ZFPM2: variants seen among roughly 807,000 people sequenced by gnomAD.
ZFPM2 encodes the protein zinc finger protein, FOG family member 2, also known as zinc finger protein ZFPM2.
Under a neutral mutation model 98.6 loss-of-function variants are expected in ZFPM2, and 20 were observed. The observed-to-expected ratio is 0.20, with a 90% CI of 0.14 to 0.29. ZFPM2 has a LOEUF of 0.29. Ranked by LOEUF, ZFPM2 falls within the 10% of genes least tolerant of loss-of-function variation. The probability of loss-of-function intolerance (pLI) is 1.00; values close to 1 mark genes in which losing one functional copy is unlikely to be tolerated. For missense variants in ZFPM2, 1,310 were observed against 1,388.6 expected, an observed-to-expected ratio of 0.94 and a Z score of 0.90; for synonymous variants, 518 against 502.7, an observed-to-expected ratio of 1.03 and a Z score of -0.41.
intron 5 of ZFPM2, among the ~76,000 whole-genome samples, chr8:105,687,423 T>C (rs895948041): frequency 6.6e-6 from 1 of 152,192 alleles, no homozygotes; most frequent in African/African-American, 2.4e-5. Flanking sequence ...TGCCATATAT[T>C]TATTCAAAGA....
At chr8:105,694,434 T>C (rs1444917614) in intron 5 of ZFPM2, among the ~76,000 whole-genome samples, 2 of 152,182 alleles carry the variant, frequency 1.3e-5, no homozygotes, top group South Asian at 2.1e-4. Flanking sequence ...ATGTGGCTAA[T>C]TTTTCTTGAA....
intron 5 of ZFPM2, among the ~76,000 whole-genome samples, chr8:105,759,839 C>A (rs186229811): frequency 6.6e-6 from 1 of 151,868 alleles, no homozygotes; most frequent in Non-Finnish European, 1.5e-5. Context: ...ATGTTCCTGA[C>A]CATTGCCAGG....
chr8:105,788,962 G>A, intron 6 of ZFPM2, 38 bp downstream of exon 6: 1 of 1,509,052 alleles, frequency 6.6e-7, no homozygotes, highest in Non-Finnish European at 9.0e-7. Flanking sequence ...CTTTAGAGGT[G>A]ATGGGAATTT....
chr8:105,674,913 G>GGGT (rs996960576), intron 5 of ZFPM2, among the ~76,000 whole-genome samples: 5 of 152,070 alleles, frequency 3.3e-5, no homozygotes, highest in Admixed American at 6.6e-5. Flanking sequence ...CACCAGAAAG[G>GGGT]GGTGGAGTGC....
chr8:105,798,107 A>C (rs1813888094), intron 6 of ZFPM2: 1 of 152,230 alleles, frequency 6.6e-6, no homozygotes, highest in African/African-American at 2.4e-5. Flanking sequence ...CAATCAGATA[A>C]TTTACATCAC....
chr8:105,551,659 T>C (rs372741786), intron 3 of ZFPM2, among the ~76,000 whole-genome samples: 8 of 118,442 alleles, frequency 6.8e-5, no homozygotes, highest in African/African-American at 2.5e-4. Context: ...TCTGCCATCC[T>C]TTGGTTTTAT....
At chr8:105,777,049 A>T (rs1813120424) in intron 5 of ZFPM2, among the ~76,000 whole-genome samples, 1 of 152,196 alleles carries the variant, frequency 6.6e-6, no homozygotes, top group South Asian at 2.1e-4. Flanking sequence ...ATCAGAATAG[A>T]AACTGACCAC....
At chr8:105,620,265 C>T (rs1477708569) in intron 4 of ZFPM2, among the ~76,000 whole-genome samples, 3 of 152,118 alleles carry the variant, frequency 2.0e-5, no homozygotes, top group East Asian at 1.9e-4. Flanking sequence ...TTTTGATTTG[C>T]GTTTCTCTGA....
intron 5 of ZFPM2, among the ~76,000 whole-genome samples, chr8:105,709,101 C>T (rs540916391): frequency 6.6e-6 from 1 of 152,228 alleles, no homozygotes; most frequent in South Asian, 2.1e-4. Context: ...ACAAGATGGG[C>T]TCTCTGATGT....
chr8:105,459,616 G>T (rs1481108281), intron 3 of ZFPM2, among the ~76,000 whole-genome samples: 2 of 152,154 alleles, frequency 1.3e-5, no homozygotes, highest in African/African-American at 4.8e-5. Flanking sequence ...TTCTAGTGAG[G>T]CCTCTCTTCC....
At chr8:105,535,285 A>G (rs1373478989) in intron 3 of ZFPM2, among the ~76,000 whole-genome samples, 3 of 152,078 alleles carry the variant, frequency 2.0e-5, no homozygotes, top group African/African-American at 7.2e-5. Context: ...TGGGGTTTTT[A>G]TTGTTATTAA....
chr8:105,655,144 C>T (rs537106845), intron 5 of ZFPM2, among the ~76,000 whole-genome samples: 1 of 151,818 alleles, frequency 6.6e-6, no homozygotes, highest in African/African-American at 2.4e-5. Context: ...AATATTCAGA[C>T]CATGAGGAAA....
intron 5 of ZFPM2, among the ~76,000 whole-genome samples, chr8:105,783,636 A>G (rs1376183196): frequency 2.0e-5 from 3 of 152,170 alleles, no homozygotes; most frequent in African/African-American, 7.2e-5. Flanking sequence ...GTGGAATCAT[A>G]CACTGTTTGT....
intron 2 of ZFPM2, 60 bp from the exon 3 acceptor site, chr8:105,444,220 T>A (rs1251244125): frequency 7.6e-7 from 1 of 1,321,058 alleles, no homozygotes; most frequent in African/African-American, 1.5e-5. Flanking sequence ...TATGAGGGTG[T>A]GAATGTGAAA....
At chr8:105,779,950 G>A (rs573378391) in intron 5 of ZFPM2, among the ~76,000 whole-genome samples, 18 of 152,250 alleles carry the variant, frequency 1.2e-4, no homozygotes, top group African/African-American at 4.3e-4. Flanking sequence ...ACGTCACTGC[G>A]GTTTTGACAG....
chr8:105,776,977 A>G lies in ZFPM2; in HGVS notation c.533-11741A>G, dbSNP rs1813119421. ...GAAGTATGGCTGAGCATCTCTATCC[A>G]TTTATCTCCCTGCTTCCTCTTTCTG... On this transcript the variant is annotated intron_variant, in intron 5 of 7. Coordinates refer to ENST00000407775, the MANE Select transcript of ZFPM2 (RefSeq NM_012082.4). Among the ~76,000 whole-genome samples the G allele has an allele frequency of 3.9e-5, 6 of 152,206 alleles. No individual in the cohort carries two copies. The South Asian group carries it at 1.2e-3, about 31-fold the overall frequency.
intron 5 of ZFPM2, among the ~76,000 whole-genome samples, chr8:105,646,937 C>T (rs911567503): frequency 6.6e-6 from 1 of 152,170 alleles, no homozygotes; most frequent in Non-Finnish European, 1.5e-5. Context: ...GATTAAACCT[C>T]CATCTCCTAA....
At chr8:105,654,138 G>C (rs976979807) in intron 5 of ZFPM2, among the ~76,000 whole-genome samples, 1 of 151,584 alleles carries the variant, frequency 6.6e-6, no homozygotes, top group African/African-American at 2.4e-5. Flanking sequence ...GGGAAACACA[G>C]GCCCCTTGAC....
intron 1 of ZFPM2, among the ~76,000 whole-genome samples, chr8:105,406,022 G>A (rs1331829518): frequency 6.6e-6 from 1 of 152,120 alleles, no homozygotes; most frequent in Non-Finnish European, 1.5e-5. Context: ...GCATTTCTCT[G>A]ATGGCCAGTG....
Sources: gnomAD v4.1 joint callset for allele counts (sites outside exome capture counted in the v4.1 genomes callset) on GRCh38, gnomAD v4.1.1 for gene constraint, MANE v1.5 for transcripts, NCBI Gene and HGNC (gene_info 2026-07-23, HGNC 2026-07-21) for gene names.